Variants in ADK observed in about 807,000 individuals in gnomAD.
The protein encoded by ADK is adenosine kinase.
A neutral mutation model predicts 44.7 loss-of-function variants in ADK; 24 were observed. The observed-to-expected ratio is 0.54, with a 90% CI of 0.39 to 0.76. The LOEUF is 0.76. ADK is among the 30% of genes least tolerant of loss of function. ADK has a pLI of 0.00. For synonymous variants in ADK, 128 were observed against 142.6 expected, an observed-to-expected ratio of 0.90 and a Z score of 0.73; for missense variants, 321 against 425.1, an observed-to-expected ratio of 0.76 and a Z score of 2.15.
At chr10:74,692,094 T>C (rs1225205256) in intron 10 of ADK, among the ~76,000 whole-genome samples, 2 of 152,238 alleles carry the variant, frequency 1.3e-5, no homozygotes, top group Non-Finnish European at 2.9e-5. Context: ...TTATTCATAA[T>C]TGACAAAACT....
intron 6 of ADK, among the ~76,000 whole-genome samples, chr10:74,494,704 C>T (rs768449427): frequency 2.6e-5 from 4 of 151,674 alleles, no homozygotes; most frequent in Non-Finnish European, 5.9e-5. Context: ...ACTCTGTTGC[C>T]CAGGCTGGAG....
At chr10:74,668,093 A>G (rs1855030739) in intron 9 of ADK, among the ~76,000 whole-genome samples, 1 of 152,202 alleles carries the variant, frequency 6.6e-6, no homozygotes, top group Admixed American at 6.5e-5. Context: ...TGTATTGTAA[A>G]TAGTAATGGT....
At chr10:74,225,038 T>C (rs533738929) in intron 3 of ADK, among the ~76,000 whole-genome samples, 1 of 152,376 alleles carries the variant, frequency 6.6e-6, no homozygotes, top group East Asian at 1.9e-4. Flanking sequence ...GTCACTGGTT[T>C]ATGCAAAAGT....
chr10:74,608,704 G>A (rs2133987399), intron 9 of ADK, among the ~76,000 whole-genome samples: 1 of 152,260 alleles, frequency 6.6e-6, no homozygotes, highest in South Asian at 2.1e-4. Context: ...AGGAGGCATG[G>A]GGGTCAGGGA....
chr10:74,489,218 T>G (rs1440955427), intron 6 of ADK, among the ~76,000 whole-genome samples: 1 of 152,016 alleles, frequency 6.6e-6, no homozygotes, highest in African/African-American at 2.4e-5. Flanking sequence ...ATGCTTCATC[T>G]TCTTTTCAAT....
chr10:74,407,269 A>G (rs114219093), intron 6 of ADK, among the ~76,000 whole-genome samples: 1,924 of 152,166 alleles, frequency 0.013, 46 homozygotes, highest in African/African-American at 0.044. Flanking sequence ...AATAATTTCT[A>G]TTACTCTGAA....
chr10:74,446,191 G>A (rs1296995292), intron 6 of ADK, among the ~76,000 whole-genome samples: 1 of 151,744 alleles, frequency 6.6e-6, no homozygotes, highest in East Asian at 1.9e-4. Flanking sequence ...CTAATTATTT[G>A]ACCCTTTTTG....
chr10:74,596,949 G>T (rs888692117), intron 8 of ADK, among the ~76,000 whole-genome samples: 2 of 152,112 alleles, frequency 1.3e-5, no homozygotes, highest in African/African-American at 4.8e-5. Flanking sequence ...GATTTAATGA[G>T]CACTTTAGAG....
intron 2 of ADK, among the ~76,000 whole-genome samples, chr10:74,223,321 A>T (rs975388887): frequency 4.6e-5 from 7 of 152,124 alleles, no homozygotes; most frequent in African/African-American, 1.4e-4. Flanking sequence ...GAATGGATTA[A>T]TCCATTTATG....
chr10:74,519,002 T>C (rs566541438), intron 6 of ADK, among the ~76,000 whole-genome samples: 2 of 152,008 alleles, frequency 1.3e-5, no homozygotes, highest in African/African-American at 2.4e-5. Flanking sequence ...TGCTATTCAA[T>C]AGAAATATAA....
chr10:74,225,517 A>G (rs529626871), intron 3 of ADK, among the ~76,000 whole-genome samples: 7 of 152,294 alleles, frequency 4.6e-5, no homozygotes, highest in Admixed American at 3.9e-4. Flanking sequence ...GAGATTAAGT[A>G]ATAATTTTTT....
At chr10:74,514,216 A>G (rs926172871) in intron 6 of ADK, among the ~76,000 whole-genome samples, 4 of 152,088 alleles carry the variant, frequency 2.6e-5, no homozygotes, top group Admixed American at 2.6e-4. Flanking sequence ...TGATGCTTTT[A>G]TCTTGCTGCT....
intron 1 of ADK, among the ~76,000 whole-genome samples, chr10:74,178,799 G>C (rs2132075159): frequency 6.6e-6 from 1 of 152,150 alleles, no homozygotes; most frequent in East Asian, 1.9e-4. Flanking sequence ...TGGTAACATG[G>C]CTCGAGAAAG....
intron 9 of ADK, among the ~76,000 whole-genome samples, chr10:74,642,218 G>A (rs1853875588): frequency 6.6e-6 from 1 of 152,012 alleles, no homozygotes; most frequent in South Asian, 2.1e-4. Flanking sequence ...ATGTTAAAAT[G>A]TAGGTTTATT....
chr10:74,660,616 G>A (rs1035573940), intron 9 of ADK, among the ~76,000 whole-genome samples: 4 of 151,344 alleles, frequency 2.6e-5, no homozygotes, highest in Non-Finnish European at 4.4e-5. Context: ...TGTAATCCCA[G>A]CTACCTGGGA....
At chr10:74,590,173 A>G (rs1005862869) in intron 8 of ADK, among the ~76,000 whole-genome samples, 24 of 152,206 alleles carry the variant, frequency 1.6e-4, no homozygotes, top group African/African-American at 5.5e-4. Flanking sequence ...TGAGTGAACT[A>G]TGTAGAATGC....
intron 9 of ADK, among the ~76,000 whole-genome samples, chr10:74,654,248 G>A (rs577273238): frequency 4.9e-4 from 74 of 152,266 alleles, no homozygotes; most frequent in African/African-American, 1.5e-3. Flanking sequence ...TACCAATAAT[G>A]TCCTACTCCT....
intron 4 of ADK, among the ~76,000 whole-genome samples, chr10:74,381,799 G>C (rs1842983449): frequency 6.6e-6 from 1 of 152,184 alleles, no homozygotes; most frequent in Non-Finnish European, 1.5e-5. Context: ...AATAGAGGCT[G>C]TCATAGTTCA....
chr10:74,660,863 C>T (rs187249895), intron 9 of ADK, among the ~76,000 whole-genome samples: 2 of 152,000 alleles, frequency 1.3e-5, no homozygotes, highest in Admixed American at 6.5e-5. Context: ...GAAACCCCAT[C>T]CCTACTAAAA....
Sources: gnomAD v4.1 joint callset for allele counts (sites outside exome capture counted in the v4.1 genomes callset) on GRCh38, gnomAD v4.1.1 for gene constraint, MANE v1.5 for transcripts, NCBI Gene and HGNC (gene_info 2026-07-23, HGNC 2026-07-21) for gene names.